Variants in RBFOX1 observed in about 807,000 individuals in gnomAD.
RBFOX1 encodes the protein RNA binding fox-1 homolog 1, also known as RNA binding protein fox-1 homolog 1.
RBFOX1 carries 8 observed loss-of-function variants against 57.7 expected under a neutral mutation model. That is an observed-to-expected ratio of 0.14 (90% CI 0.08 to 0.25). RBFOX1 has a LOEUF of 0.25. Among genes scored for constraint, RBFOX1 ranks in the 10% least tolerant of loss-of-function variants. The pLI, the probability that RBFOX1 is intolerant of heterozygous loss-of-function variation, is 1.00. For synonymous variants in RBFOX1, 326 were observed against 222.4 expected, an observed-to-expected ratio of 1.47 and a Z score of -4.15; for missense variants, 611 against 548.5, an observed-to-expected ratio of 1.11 and a Z score of -1.14.
At chr16:6,485,958 C>CT (rs990816977) in intron 2 of RBFOX1, among the ~76,000 whole-genome samples, 2 of 147,428 alleles carry the variant, frequency 1.4e-5, no homozygotes, top group African/African-American at 2.5e-5. Flanking sequence ...AATAGTTTTT[C>CT]TTTTTTGTAT....
chr16:5,524,411 A>G (rs1036053042), intron 2 of RBFOX1, among the ~76,000 whole-genome samples: 2 of 152,224 alleles, frequency 1.3e-5, no homozygotes, highest in African/African-American at 2.4e-5. Flanking sequence ...GTCACTTAAA[A>G]ATGTCTGAAT....
intron 2 of RBFOX1, among the ~76,000 whole-genome samples, chr16:6,546,384 T>A (rs115369783): frequency 0.016 from 2,478 of 152,326 alleles, 75 homozygotes; most frequent in African/African-American, 0.056. Flanking sequence ...ATTTATTGCC[T>A]CACCATTCTG....
chr16:6,496,287 C>G (rs766745533), intron 2 of RBFOX1, among the ~76,000 whole-genome samples: 4 of 152,050 alleles, frequency 2.6e-5, no homozygotes, highest in Non-Finnish European at 4.4e-5. Flanking sequence ...GGTGGTGTGA[C>G]CTAATATTTG....
intron 3 of RBFOX1, among the ~76,000 whole-genome samples, chr16:6,915,749 G>C (rs969504901): frequency 6.6e-6 from 1 of 151,904 alleles, no homozygotes; most frequent in Non-Finnish European, 1.5e-5. Context: ...ACAGGGTTTT[G>C]CCATGTTGCC....
intron 4 of RBFOX1, among the ~76,000 whole-genome samples, chr16:7,054,219 G>C (rs1015648093): frequency 5.6e-5 from 6 of 106,820 alleles, no homozygotes; most frequent in Admixed American, 1.0e-4. Flanking sequence ...TTTTCGGGGG[G>C]GGGGGGCGGG....
At chr16:6,966,164 T>A (rs1158366021) in intron 3 of RBFOX1, among the ~76,000 whole-genome samples, 1 of 152,114 alleles carries the variant, frequency 6.6e-6, no homozygotes, top group African/African-American at 2.4e-5. Context: ...ACATTTACGC[T>A]CTTGCCAGAG....
intron 2 of RBFOX1, among the ~76,000 whole-genome samples, chr16:6,600,933 C>T (rs939122196): frequency 1.3e-5 from 2 of 152,148 alleles, no homozygotes; most frequent in African/African-American, 4.8e-5. Context: ...TCAGGTGATA[C>T]TCTGAGTCAG....
intron 5 of RBFOX1, among the ~76,000 whole-genome samples, chr16:7,533,897 G>C (rs549878468): frequency 1.3e-5 from 2 of 152,094 alleles, no homozygotes; most frequent in South Asian, 4.1e-4. Flanking sequence ...AATGGTGTTG[G>C]GCAATATATT....
chr16:7,695,085 C>T (rs1312904443), intron 14 of RBFOX1, among the ~76,000 whole-genome samples: 1 of 152,158 alleles, frequency 6.6e-6, no homozygotes, highest in Non-Finnish European at 1.5e-5. Flanking sequence ...TTCCATCTAC[C>T]TAATCTAGAT....
intron 3 of RBFOX1, among the ~76,000 whole-genome samples, chr16:6,979,537 T>G (rs1355144677): frequency 6.6e-6 from 1 of 152,170 alleles, no homozygotes; most frequent in African/African-American, 2.4e-5. Flanking sequence ...TATCTTCAAT[T>G]GGATACAGCA....
chr16:6,309,021 T>A (rs1567903667), intron 1 of RBFOX1, among the ~76,000 whole-genome samples: 2 of 152,152 alleles, frequency 1.3e-5, no homozygotes, highest in Non-Finnish European at 1.5e-5. Context: ...CTCTCTCCTC[T>A]CACCCTATAC....
intron 2 of RBFOX1, among the ~76,000 whole-genome samples, chr16:6,424,620 C>CGTGTGTGTGTGTGTGTGTGTGTGT (rs143990992): frequency 1.3e-5 from 2 of 150,592 alleles, no homozygotes; most frequent in East Asian, 2.0e-4. Context: ...TGTGTGTGTG[C>CGTGTGTGTGTGTGTGTGTGTGTGT]GTGTGTGTGA....
chr16:7,015,692 C>T lies in RBFOX1; in HGVS notation c.-15-36365C>T, dbSNP rs117868034. 6.9e-3 allele frequency among the ~76,000 whole-genome samples: 1,048 copies of T among 152,156 alleles called. 8 individuals carry two copies. The highest frequency in any genetic ancestry group is 9.9e-3 in the Non-Finnish European group (676 of 67,994). ...GTATTTGAAATTTTTTTATGACTAG[C>T]GGTCTAGTTATTCACATTTCTATTA... On this transcript the variant is annotated intron_variant, in intron 3 of 15. Coordinates refer to ENST00000550418, the MANE Select transcript of RBFOX1 (RefSeq NM_018723.4).
intron 2 of RBFOX1, among the ~76,000 whole-genome samples, chr16:5,532,355 G>T (rs561956687): frequency 4.7e-4 from 72 of 152,218 alleles, no homozygotes; most frequent in African/African-American, 1.7e-3. Context: ...AGCTCCTTTG[G>T]GCTTTTTGGC....
intron 3 of RBFOX1, among the ~76,000 whole-genome samples, chr16:6,834,854 C>G (rs1439360533): frequency 1.4e-5 from 2 of 148,134 alleles, no homozygotes; most frequent in African/African-American, 5.0e-5. Flanking sequence ...AAGTCAAGTT[C>G]ATTTTGGCCA....
intron 2 of RBFOX1, among the ~76,000 whole-genome samples, chr16:5,596,818 C>G (rs966649464): frequency 2.0e-5 from 3 of 152,236 alleles, no homozygotes; most frequent in Non-Finnish European, 4.4e-5. Flanking sequence ...CCTCCTCCCC[C>G]TTCTCTCCCC....
intron 5 of RBFOX1, among the ~76,000 whole-genome samples, chr16:7,558,928 G>T (rs991781056): frequency 6.6e-6 from 1 of 152,204 alleles, no homozygotes; most frequent in South Asian, 2.1e-4. Context: ...TATGCTAAAT[G>T]AACCCCACTG....
rs144935555 is a variant in RBFOX1, at chr16:6,738,711, A to G, written c.-16+84061A>G. ...TTCTTTTAAGGAGCCCATAGAGCAT[A>G]TACCTTGAGAGACCATGTCCTAGGC... On this transcript the variant is annotated intron_variant, in intron 3 of 15. Coordinates refer to ENST00000550418, the MANE Select transcript of RBFOX1 (RefSeq NM_018723.4). Among the ~76,000 whole-genome samples the G allele has an allele frequency of 4.0e-3, 616 of 152,296 alleles. 5 individuals carry two copies. The highest frequency in any genetic ancestry group is 0.014 in the African/African-American group (573 of 41,570).
chr16:5,634,172 G>T (rs901914215), intron 3 of RBFOX1, among the ~76,000 whole-genome samples: 2 of 152,196 alleles, frequency 1.3e-5, no homozygotes, highest in African/African-American at 4.8e-5. Context: ...GTGTACATCA[G>T]TTGGCAAATT....
Sources: gnomAD v4.1 joint callset for allele counts (sites outside exome capture counted in the v4.1 genomes callset) on GRCh38, gnomAD v4.1.1 for gene constraint, MANE v1.5 for transcripts, NCBI Gene and HGNC (gene_info 2026-07-23, HGNC 2026-07-21) for gene names.